The following HSD17B2 variants were observed in gnomAD, a reference collection of about 807,000 sequenced individuals.
HSD17B2 encodes hydroxysteroid 17-beta dehydrogenase 2, also known as 17-beta-hydroxysteroid dehydrogenase type 2.
Under a neutral mutation model 26.9 loss-of-function variants are expected in HSD17B2, and 32 were observed. The ratio of observed to expected loss-of-function variants is 1.19; its 90% CI spans 0.90 to 1.60. HSD17B2 has a LOEUF of 1.60. HSD17B2 is among the 40% of genes most tolerant of loss of function. The pLI, the probability that HSD17B2 is intolerant of heterozygous loss-of-function variation, is 0.00. For missense variants in HSD17B2, 613 were observed against 468.6 expected (o/e 1.31, Z -2.85); for synonymous variants, 246 against 186.7 (o/e 1.32, Z -2.59).
intron 1 of HSD17B2, among the ~76,000 whole-genome samples, chr16:82,045,674 T>C (rs1913904895): frequency 6.6e-6 from 1 of 152,252 alleles, no homozygotes; most frequent in Admixed American, 6.5e-5. Context: ...GCACTCTGAC[T>C]GTTTCTTGGC....
Position 82,037,302 on chromosome 16 carries a change from T to C in HSD17B2, c.265+1613T>C, listed in dbSNP as rs4468615. ...TCTCTGTCATTTTTATGAGGAATGC[T>C]ATGTGCTCATATCATCCTAGACAAG... is the stretch of plus-strand genomic sequence containing the variant. On this transcript the variant is annotated intron_variant, in intron 1 of 4. Transcript: ENST00000199936. Among the ~76,000 whole-genome samples the C allele has an allele frequency of 9.0e-3, 1,376 of 152,372 alleles. 19 individuals are homozygous for C. Among genetic ancestry groups the C allele is most frequent in the African/African-American group, 0.025 (1,053 of 41,582 alleles).
At chr16:82,095,243 GA>G (rs768075079) in intron 4 of HSD17B2, 1 of 152,202 alleles carries the variant, frequency 6.6e-6, no homozygotes, top group Non-Finnish European at 1.5e-5. Flanking sequence ...TCAGGACCTA[GA>G]AACCTCCAGA....
intron 1 of HSD17B2, among the ~76,000 whole-genome samples, chr16:82,064,038 C>G (rs937292679): frequency 2.0e-5 from 3 of 152,146 alleles, no homozygotes; most frequent in South Asian, 2.1e-4. Flanking sequence ...TCCCAGAACA[C>G]AAAAGGGTGG....
chr16:82,071,080 T>C lies in HSD17B2; in HGVS notation c.617T>C (p.Leu206Pro). 1 of 1,614,194 alleles carries C rather than the reference T, an allele frequency of 6.2e-7. No homozygotes were observed. The highest frequency in any genetic ancestry group is 1.1e-5 in the South Asian group (1 of 91,076). ...GAGGTCACAAAGACGTTTTTGCCTCTTCTTAGAAAATCCAAAGGGAGGCTG... is the reference window on the plus strand; with the variant it reads ...GAGGTCACAAAGACGTTTTTGCCTCCTCTTAGAAAATCCAAAGGGAGGCTG... ...TVEVTKTFLP[L>P]LRKSKGRLVN... The change falls in exon 3 of 5, where the codon CTT becomes CCT. Residue 206 changes from leucine to proline, a missense_variant. Transcript: ENST00000199936.
chr16:82,054,754 T>G (rs530195547), intron 1 of HSD17B2, among the ~76,000 whole-genome samples: 1 of 152,268 alleles, frequency 6.6e-6, no homozygotes, highest in South Asian at 2.1e-4. Flanking sequence ...GAGATGTCAT[T>G]TTTTCCTCTT....
Position 82,053,423 on chromosome 16 carries a change from A to ATTTT in HSD17B2, c.266-14745_266-14742dup, listed in dbSNP as rs1333830137. On this transcript the variant is annotated intron_variant, in intron 1 of 4. Transcript: ENST00000199936. ...TCATTTTTCATTCTCCCGAGTTTTA[A>ATTTT]TTTTTATTTATTTATTATTATTTAT... 3.3e-5 allele frequency among the ~76,000 whole-genome samples: 5 copies of ATTTT among 151,958 alleles called. No homozygotes were observed. In the East Asian group the frequency reaches 9.6e-4, roughly 29 times the overall value.
intron 3 of HSD17B2, among the ~76,000 whole-genome samples, chr16:82,084,225 T>C (rs535228988): frequency 5.9e-5 from 9 of 152,282 alleles, no homozygotes; most frequent in South Asian, 2.1e-4. Flanking sequence ...ACCTTGGCAC[T>C]ACTGGCATTT....
intron 1 of HSD17B2, among the ~76,000 whole-genome samples, chr16:82,036,870 T>C (rs1913639863): frequency 6.6e-6 from 1 of 152,172 alleles, no homozygotes; most frequent in Admixed American, 6.6e-5. Context: ...TCAAATGGCT[T>C]ATCGGTGAAA....
At chr16:82,063,756 C>G (rs1157076597) in intron 1 of HSD17B2, among the ~76,000 whole-genome samples, 1 of 152,104 alleles carries the variant, frequency 6.6e-6, no homozygotes, top group Non-Finnish European at 1.5e-5. Flanking sequence ...TGGTTGAGGG[C>G]TGATCAGGAA....
At chr16:82,054,312 A>T (rs1467322485) in intron 1 of HSD17B2, among the ~76,000 whole-genome samples, 1 of 152,098 alleles carries the variant, frequency 6.6e-6, no homozygotes, top group African/African-American at 2.4e-5. Flanking sequence ...CATCACAGAC[A>T]TTGTAAATAT....
At chr16:82,083,000 C>T (rs13339413) in intron 3 of HSD17B2, among the ~76,000 whole-genome samples, 14,032 of 152,148 alleles carry the variant, frequency 0.092, 1,153 homozygotes, top group Admixed American at 0.24. Flanking sequence ...TATGTTACCA[C>T]CACATCAAAC....
Position 82,081,823 on chromosome 16 carries a change from T to G in HSD17B2, c.665-9079T>G, listed in dbSNP as rs113551544. Among the ~76,000 whole-genome samples, 1,366 of 152,210 alleles carry G rather than the reference T, an allele frequency of 9.0e-3. 24 individuals carry two copies. The highest frequency in any genetic ancestry group is 0.031 in the African/African-American group (1,297 of 41,522). ...TGTTCCATTGCAGCACTATTCACAA[T>G]AGCAAAGACACAGAATCAACCCAAT... is the stretch of plus-strand genomic sequence containing the variant. On this transcript the variant is annotated intron_variant, in intron 3 of 4. Coordinates refer to ENST00000199936, the MANE Select transcript of HSD17B2 (RefSeq NM_002153.3).
intron 3 of HSD17B2, among the ~76,000 whole-genome samples, chr16:82,085,366 G>A (rs1046773569): frequency 2.6e-5 from 4 of 152,294 alleles, no homozygotes; most frequent in Middle Eastern, 3.4e-3. Flanking sequence ...GGTTGTGTGA[G>A]AGATTTACAT....
intron 3 of HSD17B2, among the ~76,000 whole-genome samples, chr16:82,072,904 GA>G (rs1253640310): frequency 6.6e-6 from 1 of 152,008 alleles, no homozygotes; most frequent in Non-Finnish European, 1.5e-5. Context: ...AAAAAATTAA[GA>G]AAAAAACAAA....
Position 82,098,159 on chromosome 16 carries a change from G to C in HSD17B2, c.887G>C (p.Gly296Ala). The change falls in exon 5 of 5, where the codon GGC becomes GCC. Residue 296 changes from glycine to alanine, a missense_variant. Coordinates refer to ENST00000199936, the MANE Select transcript of HSD17B2 (RefSeq NM_002153.3). ...CCCGCTGAGGTACAGGAAGACTACG[G>C]CCAGGACTACATCTTAGCACAGCGG... ...HLPAEVQEDY[G>A]QDYILAQRNF... is the part of the protein sequence containing the mutation. 6.2e-6 allele frequency: 10 copies of C among 1,614,046 alleles called. No homozygotes were observed. The highest frequency in any genetic ancestry group is 8.5e-6 in the Non-Finnish European group (10 of 1,179,994).
At chr16:82,074,777 G>A (rs754398176) in intron 3 of HSD17B2, among the ~76,000 whole-genome samples, 1 of 152,202 alleles carries the variant, frequency 6.6e-6, no homozygotes, top group Non-Finnish European at 1.5e-5. Flanking sequence ...TCCACTTTCA[G>A]CTTTGGATAG....
chr16:82,084,422 G>A (rs1176828624), intron 3 of HSD17B2, among the ~76,000 whole-genome samples: 1 of 152,118 alleles, frequency 6.6e-6, no homozygotes, highest in Non-Finnish European at 1.5e-5. Context: ...CTTGGCTGCA[G>A]ATTTAAATGA....
chr16:82,058,439 T>G lies in HSD17B2; in HGVS notation c.266-9731T>G, dbSNP rs373998553. 2.6e-4 allele frequency among the ~76,000 whole-genome samples: 40 copies of G among 152,340 alleles called. No individual in the cohort carries two copies. The South Asian group carries it at 4.4e-3, about 17-fold the overall frequency. The stretch of plus-strand genomic sequence containing the variant: ...AACTCTCGGTACTAGCTTTCTGATT[T>G]TTTTGTAAATCTAAATTTGCTCTAA... On this transcript the variant is annotated intron_variant, in intron 1 of 4. Transcript: ENST00000199936.
rs1056091708 is a variant in HSD17B2, at chr16:82,043,554, G to C, written c.265+7865G>C. On this transcript the variant is annotated intron_variant, in intron 1 of 4. Coordinates refer to ENST00000199936, the MANE Select transcript of HSD17B2 (RefSeq NM_002153.3). ...AAAAAATCAGCCGGGCGCCGTGGCA[G>C]GCGCCTGTAGTCCCAGCTACTCGGG... Among the ~76,000 whole-genome samples, 50 of 141,934 alleles carry C rather than the reference G, an allele frequency of 3.5e-4. 3 individuals are homozygous for C. The highest frequency in any genetic ancestry group is 4.1e-4 in the Non-Finnish European group (28 of 67,850). The allele number at this position is 141,934 out of a possible 152,430, so 93.1% of individuals were successfully genotyped here.
Sources: gnomAD v4.1 joint callset for allele counts (sites outside exome capture counted in the v4.1 genomes callset) on GRCh38, gnomAD v4.1.1 for gene constraint, MANE v1.5 for transcripts, NCBI Gene and HGNC (gene_info 2026-07-23, HGNC 2026-07-21) for gene names.